The following EIF3B variants were observed in gnomAD, a reference collection of about 807,000 sequenced individuals.
EIF3B encodes the protein eukaryotic translation initiation factor 3 subunit B, also known as eukaryotic translation initiation factor 3 subunit 9.
EIF3B carries 10 observed loss-of-function variants against 104.6 expected under a neutral mutation model. The ratio of observed to expected loss-of-function variants is 0.10; its 90% CI spans 0.06 to 0.16. The LOEUF (loss-of-function observed/expected upper bound fraction) is 0.16. Ranked by LOEUF, EIF3B falls within the 10% of genes least tolerant of loss-of-function variation. The pLI is 1.00. For missense variants in EIF3B, 1,014 were observed against 1,087.9 expected (o/e 0.93, Z 0.96); for synonymous variants, 542 against 417.2 (o/e 1.30, Z -3.65).
In EIF3B at chr7:2,366,535, G is replaced by T; in HGVS notation, c.1300G>T (p.Asp434Tyr). 1 of 1,614,236 alleles carries T rather than the reference G, an allele frequency of 6.2e-7. No homozygotes were observed. The highest frequency in any genetic ancestry group is 8.5e-7 in the Non-Finnish European group (1 of 1,180,044). ...AHWPIFKWSH[D>Y]GKFFARMTLD... ...TTTTGTTTTTCTTAGGTGGAGCCATGATGGCAAATTCTTTGCCAGAATGAC... is the reference window on the plus strand; with the variant it reads ...TTTTGTTTTTCTTAGGTGGAGCCATTATGGCAAATTCTTTGCCAGAATGAC... Residue 434 changes from aspartate (D) to tyrosine (Y), a missense_variant, in exon 8 of 19, where the codon GAT (aspartate) becomes TAT (tyrosine). Coordinates refer to ENST00000360876, the MANE Select transcript of EIF3B (RefSeq NM_001037283.2).
chr7:2,379,491 G>C lies in EIF3B; in HGVS notation c.2439G>C (p.Gln813His). The C allele has an allele frequency of 6.4e-7, 1 of 1,567,422 alleles. No individual in the cohort carries two copies. Among genetic ancestry groups the C allele is most frequent in the Non-Finnish European group, 8.7e-7 (1 of 1,155,006 alleles). The change falls in exon 18 of 19, where the codon CAG (glutamine) becomes CAC (histidine). Residue 813 changes from glutamine (Q) to histidine (H), a missense_variant. Gln to His is a conservative substitution (Grantham distance 24, BLOSUM62 0). Coordinates refer to ENST00000360876, the MANE Select transcript of EIF3B (RefSeq NM_001037283.2). ...AAGAAATCATTCCCCTCGGGAATCA[G>C]GAGTGACCTGGAGCACTGTGGTGAG... is the stretch of plus-strand genomic sequence containing the variant. Reference protein sequence around the residue: ...VTEEIIPLGNQE With the variant: ...VTEEIIPLGNHE
In EIF3B at chr7:2,355,347, G is replaced by C. The variant is rs755340653; in HGVS notation, c.426G>C (p.Ala142=). The change falls in exon 1 of 19, where the codon GCG becomes GCC. Residue 142 remains alanine, a synonymous_variant. Coordinates refer to ENST00000360876, the MANE Select transcript of EIF3B (RefSeq NM_001037283.2). ...EGRAAEAEPR[A]LENGDADEPS... Reference sequence around the variant, plus strand: ...GAGCGGCCGAGGCCGAACCCCGGGCGCTGGAGAACGGCGACGCGGACGAGC... The same window carrying C: ...GAGCGGCCGAGGCCGAACCCCGGGCCCTGGAGAACGGCGACGCGGACGAGC... 1.3e-6 allele frequency: 2 copies of C among 1,539,808 alleles called. No individual in the cohort carries two copies. The highest frequency in any genetic ancestry group is 2.4e-5 in the South Asian group (2 of 84,118).
At chr7:2,371,300 C>T (rs1780327890) in intron 10 of EIF3B, among the ~76,000 whole-genome samples, 2 of 152,182 alleles carry the variant, frequency 1.3e-5, no homozygotes, top group Non-Finnish European at 1.5e-5. Context: ...GGGTGGACCC[C>T]GTTTCTTGGC....
chr7:2,363,860 C>T (rs557595629), intron 5 of EIF3B, 100 bp downstream of exon 5: 46 of 1,369,534 alleles, frequency 3.4e-5, no homozygotes, highest in South Asian at 1.1e-4. Flanking sequence ...GAGCAGGTGA[C>T]GTTATATTTT....
At chr7:2,362,823 G>A (rs1779810262) in intron 3 of EIF3B, 59 bp downstream of exon 3, 1 of 1,608,850 alleles carries the variant, frequency 6.2e-7, no homozygotes, top group East Asian at 2.2e-5. Flanking sequence ...CTGGCTGTGT[G>A]CGGGTGGCTT....
At chr7:2,365,504 C>T (rs1779959754) in intron 6 of EIF3B, among the ~76,000 whole-genome samples, 1 of 152,170 alleles carries the variant, frequency 6.6e-6, no homozygotes, top group South Asian at 2.1e-4. Flanking sequence ...AAGGGACCGT[C>T]TGTTACACAC....
chr7:2,363,057 C>G lies in EIF3B; in HGVS notation c.813-13C>G, dbSNP rs1192321480. The G allele has an allele frequency of 2.5e-6, 4 of 1,614,002 alleles. No individual in the cohort carries two copies. The South Asian group carries it at 3.3e-5, about 13-fold the overall frequency. ...TCAGGGCGTGGGGCTCAGCAGTCTCCTTTCTTCTCCAGGTATATGACGATC... is the reference window on the plus strand; with the variant it reads ...TCAGGGCGTGGGGCTCAGCAGTCTCGTTTCTTCTCCAGGTATATGACGATC... On this transcript the variant is annotated splice_polypyrimidine_tract_variant and intron_variant, in intron 3 of 18. Coordinates refer to ENST00000360876, the MANE Select transcript of EIF3B (RefSeq NM_001037283.2).
intron 18 of EIF3B, 186 bp from the exon 19 acceptor site, chr7:2,380,018 G>A: frequency 3.8e-6 from 1 of 265,952 alleles, no homozygotes; most frequent in South Asian, 3.6e-5. Flanking sequence ...GGGTGCCTGA[G>A]GGTGGCCTGG....
At chr7:2,363,832 T>C in intron 5 of EIF3B, 72 bp downstream of exon 5, 3 of 1,511,964 alleles carry the variant, frequency 2.0e-6, no homozygotes, top group Non-Finnish European at 2.7e-6. Flanking sequence ...GAACTTTGTT[T>C]CTATCAGAAA....
intron 1 of EIF3B, 56 bp downstream of exon 1, chr7:2,355,476 C>T: frequency 7.2e-7 from 1 of 1,397,016 alleles, no homozygotes; most frequent in Non-Finnish European, 9.3e-7. Flanking sequence ...CTGGGGTTCC[C>T]GAGGTGGGAG....
At chr7:2,360,261 C>G (rs942962997) in intron 1 of EIF3B, among the ~76,000 whole-genome samples, 35 of 152,172 alleles carry the variant, frequency 2.3e-4, no homozygotes, top group African/African-American at 8.2e-4. Context: ...TAAATATTTA[C>G]TTGTTTGCTA....
chr7:2,375,590 G>A, intron 14 of EIF3B, 63 bp downstream of exon 14: 2 of 1,607,584 alleles, frequency 1.2e-6, no homozygotes, highest in South Asian at 1.1e-5. Context: ...GCTAGCTGCT[G>A]ACTCTGGTGC....
At chr7:2,360,969 G>C in intron 2 of EIF3B, 67 bp downstream of exon 2, 1 of 1,363,068 alleles carries the variant, frequency 7.3e-7, no homozygotes, top group Non-Finnish European at 1.0e-6. Context: ...AGTGTTGCAG[G>C]AGATCCTTAC....
intron 15 of EIF3B, chr7:2,378,345 C>G: frequency 3.5e-6 from 1 of 282,338 alleles, no homozygotes. Context: ...GTGAATGACC[C>G]TTGGTGTCAT....
rs138192058 is a variant in EIF3B, at chr7:2,374,724, T to C, written c.1889+118T>C. ...AGAGAGTATTGTGCGCTGAAAGGGT[T>C]GCCCCAGTGTCAGTGGATAGGACTT... is the stretch of plus-strand genomic sequence containing the variant. On this transcript the variant is annotated intron_variant, in intron 13 of 18. Coordinates refer to ENST00000360876, the MANE Select transcript of EIF3B (RefSeq NM_001037283.2). 10 of 966,512 alleles carry C rather than the reference T, an allele frequency of 1.0e-5. No homozygotes were observed. In the African/African-American group the frequency reaches 1.5e-4, roughly 14 times the overall value. 59.9% of individuals were successfully genotyped at this position (966,512 alleles called of 1,614,324 possible). A position where few individuals can be genotyped will look rare whatever the true frequency, so the allele number is the denominator to read the frequency against.
chr7:2,367,824 AATTTTTTTT>A (rs1308982920), intron 9 of EIF3B, among the ~76,000 whole-genome samples: 173 of 101,742 alleles, frequency 1.7e-3, no homozygotes, highest in African/African-American at 6.7e-3. Context: ...CTTTTTTTAA[AATTTTTTTT>A]TTTTTTTTTT....
chr7:2,365,837 G>A (rs1376831815), intron 6 of EIF3B, among the ~76,000 whole-genome samples: 3 of 151,912 alleles, frequency 2.0e-5, no homozygotes, highest in South Asian at 2.1e-4. Flanking sequence ...CACCACGCCC[G>A]GCTAATTTTT....
intron 1 of EIF3B, 66 bp from the exon 2 acceptor site, chr7:2,360,644 T>C: frequency 7.7e-7 from 1 of 1,299,042 alleles, no homozygotes; most frequent in South Asian, 1.5e-5. Flanking sequence ...TTGTTTAGTG[T>C]GCTCAGTTAA....
intron 5 of EIF3B, 168 bp from the exon 6 acceptor site, chr7:2,364,204 G>T: frequency 4.9e-6 from 3 of 613,656 alleles, no homozygotes; most frequent in South Asian, 4.5e-5. Context: ...GGAGCTTGCA[G>T]TGAGCTGAGA....
Sources: allele counts gnomAD v4.1 joint callset (sites outside exome capture counted in the v4.1 genomes callset), GRCh38; gene constraint gnomAD v4.1.1; transcripts MANE v1.5; gene names NCBI Gene and HGNC (gene_info 2026-07-23, HGNC 2026-07-21).